TMEM129: variants seen among roughly 807,000 people sequenced by gnomAD.
TMEM129 encodes E3 ubiquitin-protein ligase TM129.
A neutral mutation model predicts 34.1 loss-of-function variants in TMEM129; 35 were observed. That is an observed-to-expected ratio of 1.03 (90% CI 0.78 to 1.36). TMEM129 has a LOEUF of 1.36. Among genes scored for constraint, TMEM129 ranks in the 40% most tolerant of loss-of-function variants. TMEM129 has a pLI of 0.00. For synonymous variants in TMEM129, 239 were observed against 217.3 expected (o/e 1.10, Z -0.88); for missense variants, 504 against 512.6 (o/e 0.98, Z 0.16).
At position 1,718,202 on chromosome 4, in the gene TMEM129, G is replaced by A. The variant is rs1560276812; in HGVS notation, c.630C>T (p.Leu210=). Residue 210 remains leucine (L), a synonymous_variant, in exon 2 of 4, where the codon CTC becomes CTT. Transcript: ENST00000382936. Reference sequence around the variant, plus strand: ...GGTTGGTGCTGGCCACACGGATGGTGAGGAGCTGCACGGGCAAGTTCGAGT... The same window carrying A: ...GGTTGGTGCTGGCCACACGGATGGTAAGGAGCTGCACGGGCAAGTTCGAGT... ...SPDSNLPVQL[L]TIRVASTNPA... 1.3e-6 allele frequency: 2 copies of A among 1,591,596 alleles called. No individual in the cohort carries two copies. Among genetic ancestry groups the A allele is most frequent in the Non-Finnish European group, 1.7e-6 (2 of 1,169,122 alleles).
Position 1,717,025 on chromosome 4 carries a change from A to C in TMEM129, c.*155T>G. On this transcript the variant is annotated 3_prime_UTR_variant, in exon 4 of 4. Transcript: ENST00000382936. ...TTCATGAGGATTGCTTTTAACCAAA[A>C]GTCCTCAGCCTTCTGCAGACCCAGG... 1 of 996,142 alleles carries C rather than the reference A, an allele frequency of 1.0e-6. No homozygotes were observed. Among genetic ancestry groups the C allele is most frequent in the Non-Finnish European group, 1.3e-6 (1 of 759,360 alleles). 61.7% of individuals were successfully genotyped at this position (996,142 alleles called of 1,614,324 possible). A position where few individuals can be genotyped will look rare whatever the true frequency, so the allele number is the denominator to read the frequency against.
chr4:1,716,619 C>G lies in TMEM129; in HGVS notation c.*561G>C, dbSNP rs1447803028. 1 of 153,146 alleles carries G rather than the reference C, an allele frequency of 6.5e-6. No individual in the cohort carries two copies. Among genetic ancestry groups the G allele is most frequent in the Admixed American group, 6.5e-5 (1 of 15,284 alleles). The allele number at this position is 153,146 out of a possible 1,614,324, so 9.5% of individuals were successfully genotyped here. On this transcript the variant is annotated 3_prime_UTR_variant, in exon 4 of 4. Coordinates refer to ENST00000382936, the MANE Select transcript of TMEM129 (RefSeq NM_001127266.2). The stretch of plus-strand genomic sequence containing the variant: ...CCTGTCCTCCCATTGCCACCCCACC[C>G]AGGAACAGCCCCTCAACTGGTCACA...
chr4:1,720,519 C>G lies in TMEM129; in HGVS notation c.205+114G>C. On this transcript the variant is annotated intron_variant, in intron 1 of 3. Transcript: ENST00000382936. The surrounding 1 kb of genome is among the most constrained non-coding windows in gnomAD (Gnocchi z 4.4). ...TCTGGATGAGGACCGGCGCCTCTCC[C>G]CAGCTGCGCCCAGGCGCTTTCGGGG... The G allele has an allele frequency of 7.5e-7, 1 of 1,334,370 alleles. No homozygotes were observed. Among genetic ancestry groups the G allele is most frequent in the Non-Finnish European group, 1.0e-6 (1 of 1,004,254 alleles). The allele number at this position is 1,334,370 out of a possible 1,614,324, so 82.7% of individuals were successfully genotyped here.
Position 1,720,508 on chromosome 4 carries a change from G to C in TMEM129, c.205+125C>G, listed in dbSNP as rs1466172171. ...GCCGCGGTCCCTCTGGATGAGGACC[G>C]GCGCCTCTCCCCAGCTGCGCCCAGG... On this transcript the variant is annotated intron_variant, in intron 1 of 3. Transcript: ENST00000382936. The surrounding 1 kb of genome is among the most constrained non-coding windows in gnomAD (Gnocchi z 4.4). 1 of 1,245,034 alleles carries C rather than the reference G, an allele frequency of 8.0e-7. No individual in the cohort carries two copies. The highest frequency in any genetic ancestry group is 1.1e-6 in the Non-Finnish European group (1 of 928,216). 77.1% of individuals were successfully genotyped at this position (1,245,034 alleles called of 1,614,324 possible).
At chr4:1,717,478 A>G in intron 3 of TMEM129, 38 bp downstream of exon 3, 3 of 1,500,384 alleles carry the variant, frequency 2.0e-6, no homozygotes, top group Non-Finnish European at 2.7e-6. Context: ...ACCCGTGGGC[A>G]CCCACCCATC....
rs1717081710 is a variant in TMEM129, at chr4:1,718,288, C to A, written c.544G>T (p.Ala182Ser). ...GTCAGGTGCACGTCCTGCTGCTGGG[C>A]CACGTGCACTCGGTAGGTGGTTACC... ...MKVTTYRVHVAQQQDVHLTVT... is the reference protein window; with the variant it reads ...MKVTTYRVHVSQQQDVHLTVT... Residue 182 changes from alanine (A) to serine (S), a missense_variant, in exon 2 of 4, where the codon GCC (alanine) becomes TCC (serine). By Grantham distance (99) the Ala-to-Ser change is moderately conservative. Coordinates refer to ENST00000382936, the MANE Select transcript of TMEM129 (RefSeq NM_001127266.2). The A allele has an allele frequency of 6.2e-7, 1 of 1,612,850 alleles. No individual in the cohort carries two copies. The highest frequency in any genetic ancestry group is 1.3e-5 in the African/African-American group (1 of 74,938).
chr4:1,717,144 G>T lies in TMEM129; in HGVS notation c.*36C>A. 1 of 1,404,914 alleles carries T rather than the reference G, an allele frequency of 7.1e-7. No individual in the cohort carries two copies. The highest frequency in any genetic ancestry group is 9.3e-7 in the Non-Finnish European group (1 of 1,078,492). 87.0% of individuals were successfully genotyped at this position (1,404,914 alleles called of 1,614,324 possible). On this transcript the variant is annotated 3_prime_UTR_variant, in exon 4 of 4. Transcript: ENST00000382936. ...CCCCTTCCCTGCCCTGTGGCTTTGG[G>T]GGGAGACACAGAGTCACCTCAAGGC...
chr4:1,718,800 G>A, intron 1 of TMEM129, 174 bp from the exon 2 acceptor site: 2 of 1,403,364 alleles, frequency 1.4e-6, no homozygotes, highest in Non-Finnish European at 1.8e-6. Context: ...TGTGGCAAAG[G>A]CAGGATATAT....
chr4:1,717,935 G>A (rs2108673924), intron 2 of TMEM129: 2 of 669,906 alleles, frequency 3.0e-6, no homozygotes, highest in South Asian at 2.0e-5. Flanking sequence ...TCCAGGGAGT[G>A]GAAGGGGAGG....
At chr4:1,717,787 A>G in intron 2 of TMEM129, 112 bp from the exon 3 acceptor site, 1 of 1,386,120 alleles carries the variant, frequency 7.2e-7, no homozygotes, top group South Asian at 1.5e-5. Context: ...ACCAGGAGAG[A>G]TGGCCCTAAG....
Position 1,717,549 on chromosome 4 carries a change from C to T in TMEM129, c.807G>A (p.Glu269=), listed in dbSNP as rs1460026877. 1.3e-6 allele frequency: 2 copies of T among 1,546,212 alleles called. No homozygotes were observed. Among genetic ancestry groups the T allele is most frequent in the Admixed American group, 2.0e-5 (1 of 50,616 alleles). Residue 269 remains glutamate (E), a synonymous_variant, in exon 3 of 4, where the codon GAG becomes GAA. Transcript: ENST00000382936. The part of the protein sequence containing the change: ...LFLETFASLV[E]VNPAYSVPSS... ...TGGGCACTGAGTAGGCCGGGTTGAC[C>T]TCTACCAGGGAGGCAAATGTCTCCA...
At chr4:1,718,718 C>T in intron 1 of TMEM129, 92 bp from the exon 2 acceptor site, 1 of 1,423,016 alleles carries the variant, frequency 7.0e-7, no homozygotes, top group Non-Finnish European at 9.1e-7. Flanking sequence ...TGCCCGGGTT[C>T]CAGGGTCAGC....
chr4:1,718,697 A>ACC (rs1717117218), intron 1 of TMEM129, 71 bp from the exon 2 acceptor site: 1 of 1,427,778 alleles, frequency 7.0e-7, no homozygotes, highest in Non-Finnish European at 9.1e-7. Flanking sequence ...ACAGCCCTGG[A>ACC]CCTGGCCCTC....
chr4:1,717,394 C>T lies in TMEM129; in HGVS notation c.875G>A (p.Arg292His), dbSNP rs936085214. 3.7e-5 allele frequency: 57 copies of T among 1,527,042 alleles called. No homozygotes were observed. Among genetic ancestry groups the T allele is most frequent in the Admixed American group, 3.6e-4 (18 of 50,400 alleles). 94.6% of individuals were successfully genotyped at this position (1,527,042 alleles called of 1,614,324 possible). A position where few individuals can be genotyped will look rare whatever the true frequency, so the allele number is the denominator to read the frequency against. ...GGTCTTCACCAGCTTCACGCTGGCA[C>T]GTGTCTGCATGCAGCCTATGCAGGC... Reference protein sequence around the residue: ...LEACIGCMQTRASVKLVKTCQ... With the variant: ...LEACIGCMQTHASVKLVKTCQ... The change falls in exon 4 of 4, where the codon CGT (arginine) becomes CAT (histidine). Residue 292 changes from arginine (R) to histidine (H), a missense_variant. Transcript: ENST00000382936.
In TMEM129 at chr4:1,720,685, G is replaced by C; in HGVS notation, c.153C>G (p.Phe51Leu). ...GCGTGGCGGCCGTGCGGCGCAAGTG[G>C]AAGGGCACGAAGGCGGCGTCCTCGC... ...LGSEDAAFVP[F>L]HLRRTAATLL... The change falls in exon 1 of 4, where the codon TTC (phenylalanine) becomes TTG (leucine). Residue 51 changes from phenylalanine (F) to leucine (L), a missense_variant. Phe to Leu is a conservative substitution (Grantham distance 22). Coordinates refer to ENST00000382936, the MANE Select transcript of TMEM129 (RefSeq NM_001127266.2). This position sits in a 1 kb window ranked among gnomAD's most constrained non-coding sequence, Gnocchi z 4.4. The C allele has an allele frequency of 6.4e-7, 1 of 1,551,978 alleles. No homozygotes were observed. Among genetic ancestry groups the C allele is most frequent in the Non-Finnish European group, 8.7e-7 (1 of 1,149,166 alleles).
At position 1,717,127 on chromosome 4, in the gene TMEM129, C is replaced by G. The variant is rs1372376531; in HGVS notation, c.*53G>C. On this transcript the variant is annotated 3_prime_UTR_variant, in exon 4 of 4. Transcript: ENST00000382936. ...CCAGGAGGCCCAGCCACCCCCTTCC[C>G]TGCCCTGTGGCTTTGGGGGGAGACA... The G allele has an allele frequency of 2.1e-6, 3 of 1,399,230 alleles. No individual in the cohort carries two copies. The highest frequency in any genetic ancestry group is 2.8e-6 in the Non-Finnish European group (3 of 1,077,022). The allele number at this position is 1,399,230 out of a possible 1,614,324, so 86.7% of individuals were successfully genotyped here.
chr4:1,719,618 GA>G (rs1210071766), intron 1 of TMEM129, among the ~76,000 whole-genome samples: 3 of 152,362 alleles, frequency 2.0e-5, no homozygotes, highest in East Asian at 3.9e-4. Flanking sequence ...ATCCGACTGT[GA>G]GGCCAGCTGT....
rs1168634511 is a variant in TMEM129, at chr4:1,718,395, T to A, written c.437A>T (p.Asn146Ile). Residue 146 changes from asparagine (N) to isoleucine (I), a missense_variant, in exon 2 of 4, where the codon AAC becomes ATC. Asn to Ile is a moderately radical substitution (Grantham distance 149). Transcript: ENST00000382936. ...CTTGTCAATCCGCCGGAACTCAGTG[T>A]TGACAGAGGAGGCAACAGCCTGCCA... ...SGWQAVASSV[N>I]TEFRRIDKFA... The A allele has an allele frequency of 6.2e-7, 1 of 1,608,852 alleles. No individual in the cohort carries two copies. Among genetic ancestry groups the A allele is most frequent in the African/African-American group, 1.3e-5 (1 of 74,854 alleles).
In TMEM129 at chr4:1,716,298, C is replaced by A. The variant is rs1472701165; in HGVS notation, c.*882G>T. On this transcript the variant is annotated 3_prime_UTR_variant, in exon 4 of 4. Coordinates refer to ENST00000382936, the MANE Select transcript of TMEM129 (RefSeq NM_001127266.2). ...CTGTGCCCTGGGGCCTGGCCAACAT[C>A]CCCCCTCCCCTTGAACCATCAGGAA... The A allele has an allele frequency of 6.6e-6, 1 of 152,490 alleles. No homozygotes were observed. Among genetic ancestry groups the A allele is most frequent in the African/African-American group, 2.4e-5 (1 of 41,470 alleles). The allele number at this position is 152,490 out of a possible 1,614,324, so 9.4% of individuals were successfully genotyped here. A position where few individuals can be genotyped will look rare whatever the true frequency, so the allele number is the denominator to read the frequency against.
Sources: allele counts gnomAD v4.1 joint callset (sites outside exome capture counted in the v4.1 genomes callset), GRCh38; gene constraint gnomAD v4.1.1; non-coding constraint Gnocchi (gnomAD v3.1); transcripts MANE v1.5; gene names NCBI Gene and HGNC (gene_info 2026-07-23, HGNC 2026-07-21).